CENPF: variants seen among roughly 807,000 people sequenced by gnomAD.
The protein encoded by CENPF is AH antigen.
CENPF carries 214 observed loss-of-function variants against 307.3 expected under a neutral mutation model. The observed-to-expected ratio is 0.70, with a 90% confidence interval of 0.62 to 0.78. The LOEUF (loss-of-function observed/expected upper bound fraction) is 0.78. Among genes scored for constraint, CENPF ranks in the 30% least tolerant of loss-of-function variants. The pLI, the probability that CENPF is intolerant of heterozygous loss-of-function variation, is 0.00. For synonymous variants in CENPF, 1,259 were observed against 1,270.6 expected (o/e 0.99, Z 0.19); for missense variants, 3,401 against 3,483.9 (o/e 0.98, Z 0.60).
In CENPF at chr1:214,642,814, C is replaced by T. The variant is rs775276376; in HGVS notation, c.4476C>T (p.Asp1492=). 1.2e-6 allele frequency: 2 copies of T among 1,613,728 alleles called. No individual in the cohort carries two copies. The highest frequency in any genetic ancestry group is 1.3e-5 in the African/African-American group (1 of 74,860). ...PDSSSLSSLG[D]SSFYRALLEQ... ...GCTCTAGTCTTAGCAGTTTGGGAGACTCCTCCTTTTACAGAGCTCTTTTAG... is the reference window on the plus strand; with the variant it reads ...GCTCTAGTCTTAGCAGTTTGGGAGATTCCTCCTTTTACAGAGCTCTTTTAG... Residue 1492 remains aspartate (D), a synonymous_variant, in exon 12 of 20, where the codon GAC becomes GAT. Transcript: ENST00000366955.
chr1:214,648,917 A>G, intron 14 of CENPF, 90 bp downstream of exon 14: 4 of 1,309,944 alleles, frequency 3.1e-6, no homozygotes, highest in Non-Finnish European at 4.2e-6. Flanking sequence ...TCTGTTGTTT[A>G]CCTAACTTAT....
rs765683900 is a variant in CENPF at position 214,638,014 on chromosome 1, A to G, written c.1582+13A>G. The G allele has an allele frequency of 5.0e-6, 8 of 1,600,294 alleles. No individual in the cohort carries two copies. In the Admixed American group the frequency reaches 5.3e-5, roughly 11 times the overall value. ...GAAGAAATGAAAGGTAAGTAAACTT[A>G]GTATTTTAGAGTTACCTTTCTAAGC... On this transcript the variant is annotated intron_variant, in intron 11 of 19. Transcript: ENST00000366955.
At chr1:214,616,521 T>C (rs921404349) in intron 3 of CENPF, among the ~76,000 whole-genome samples, 3 of 152,166 alleles carry the variant, frequency 2.0e-5, no homozygotes, top group African/African-American at 7.2e-5. Flanking sequence ...AAATTTAGTA[T>C]GAAAAAATGT....
At chr1:214,648,056 G>T in intron 13 of CENPF, 1 of 425,842 alleles carries the variant, frequency 2.3e-6, no homozygotes, top group East Asian at 6.7e-5. Flanking sequence ...TAGTGATCTA[G>T]GAAAGTGATT....
intron 14 of CENPF, among the ~76,000 whole-genome samples, chr1:214,651,181 C>T (rs891765764): frequency 7.9e-5 from 12 of 152,058 alleles, no homozygotes; most frequent in East Asian, 3.9e-4. Flanking sequence ...GGGTCAGGCA[C>T]GGAGAAGACA....
At chr1:214,652,154 G>T (rs558122771) in intron 15 of CENPF, among the ~76,000 whole-genome samples, 1 of 145,454 alleles carries the variant, frequency 6.9e-6, no homozygotes, top group East Asian at 2.0e-4. Flanking sequence ...TCCTACCTCA[G>T]CCTCCCGAGT....
chr1:214,608,705 C>T, intron 1 of CENPF: 1 of 1,594,736 alleles, frequency 6.3e-7, no homozygotes, highest in Non-Finnish European at 8.5e-7. Context: ...CCGGCCCCAC[C>T]AGGCCCCGGC....
chr1:214,645,663 T>A lies in CENPF; in HGVS notation c.6093T>A (p.Thr2031=). Residue 2031 remains threonine, a synonymous_variant, in exon 13 of 20, where the codon ACT becomes ACA. Coordinates refer to ENST00000366955, the MANE Select transcript of CENPF (RefSeq NM_016343.4). ...TGAGTGAGCTGTTAAAAGACAAAAC[T>A]CATCTCCAGGAAAAGCTGCAGAGTT... ...SDVSELLKDK[T]HLQEKLQSLE... is the part of the protein sequence containing the mutation. 6.2e-7 allele frequency: 1 copy of A among 1,614,066 alleles called. No homozygotes were observed. Among genetic ancestry groups the A allele is most frequent in the South Asian group, 1.1e-5 (1 of 91,082 alleles).
Position 214,632,347 on chromosome 1 carries a change from G to A in CENPF, c.1324-133G>A, listed in dbSNP as rs188198456. The A allele has an allele frequency of 6.1e-5, 55 of 902,672 alleles. No homozygotes were observed. The East Asian group carries it at 6.2e-4, about 10-fold the overall frequency. 55.9% of individuals were successfully genotyped at this position (902,672 alleles called of 1,614,324 possible). A position where few individuals can be genotyped will look rare whatever the true frequency, so the allele number is the denominator to read the frequency against. On this transcript the variant is annotated intron_variant, in intron 9 of 19. Coordinates refer to ENST00000366955, the MANE Select transcript of CENPF (RefSeq NM_016343.4). ...ATTTTAAGACATATTTAGCTGTGAC[G>A]TATACTGTATCTCAGCCAAAATAGA...
At chr1:214,612,417 G>A (rs1354701246) in intron 1 of CENPF, among the ~76,000 whole-genome samples, 1 of 152,128 alleles carries the variant, frequency 6.6e-6, no homozygotes, top group East Asian at 1.9e-4. Flanking sequence ...AAGGATATTG[G>A]CTTGAAGTTT....
Position 214,663,801 on chromosome 1 carries a change from T to G in CENPF, c.*7T>G, listed in dbSNP as rs1481372536. 1.2e-6 allele frequency: 2 copies of G among 1,611,760 alleles called. No homozygotes were observed. The highest frequency in any genetic ancestry group is 1.3e-5 in the African/African-American group (1 of 75,022). ...GAACTGTAAGGTCCAGTGAAGGCAC[T>G]TTGTGTGTCAGTACCCCTGGGAGGT... On this transcript the variant is annotated 3_prime_UTR_variant, in exon 20 of 20. Transcript: ENST00000366955.
chr1:214,612,388 G>T (rs901310580), intron 1 of CENPF, among the ~76,000 whole-genome samples: 5 of 152,144 alleles, frequency 3.3e-5, no homozygotes, highest in Non-Finnish European at 7.3e-5. Context: ...TATTTTTGAG[G>T]AATTTTGCAT....
At chr1:214,618,432 T>C in intron 3 of CENPF, 141 bp from the exon 4 acceptor site, 1 of 1,016,328 alleles carries the variant, frequency 9.8e-7, no homozygotes, top group Non-Finnish European at 1.5e-6. Flanking sequence ...ATGAAATGCC[T>C]GTTGGATAAA....
chr1:214,643,168 A>G lies in CENPF; in HGVS notation c.4830A>G (p.Gln1610=). The G allele has an allele frequency of 1.2e-6, 2 of 1,602,776 alleles. No homozygotes were observed. Among genetic ancestry groups the G allele is most frequent in the Non-Finnish European group, 1.7e-6 (2 of 1,176,364 alleles). The change falls in exon 12 of 20, where the codon CAA becomes CAG. Residue 1610 remains glutamine (Q), a synonymous_variant. Coordinates refer to ENST00000366955, the MANE Select transcript of CENPF (RefSeq NM_016343.4). Reference sequence around the variant, plus strand: ...ATTTGTCAGAAAATGAACAGTGGCAACAGAAGCTGACAAGCGTGACTCTGG... The same window carrying G: ...ATTTGTCAGAAAATGAACAGTGGCAGCAGAAGCTGACAAGCGTGACTCTGG... ...KQYLSENEQW[Q]QKLTSVTLEM...
intron 1 of CENPF, chr1:214,605,873 G>C: frequency 6.3e-7 from 1 of 1,597,298 alleles, no homozygotes; most frequent in Non-Finnish European, 8.5e-7. Context: ...GAGCACGGGC[G>C]ACGTGATCTT....
Position 214,644,970 on chromosome 1 carries a change from G to A in CENPF, c.5400G>A (p.Leu1800=). Residue 1800 remains leucine, a synonymous_variant, in exon 13 of 20, where the codon TTG becomes TTA. Transcript: ENST00000366955. ...IEDRDRKVES[L]LNEMKELDSK... ...ACCGTGACAGAAAAGTTGAAAGTTT[G>A]CTAAATGAAATGAAAGAATTAGACT... 6.2e-7 allele frequency: 1 copy of A among 1,612,584 alleles called. No homozygotes were observed. The highest frequency in any genetic ancestry group is 8.5e-7 in the Non-Finnish European group (1 of 1,179,532).
chr1:214,632,484 C>T lies in CENPF; in HGVS notation c.1328C>T (p.Thr443Ile), dbSNP rs1417446006. 1 of 1,613,118 alleles carries T rather than the reference C, an allele frequency of 6.2e-7. No homozygotes were observed. ...NVLQAELDKL[T>I]SVKQQLENNL... Reference sequence around the variant, plus strand: ...GGTCTCTTTTTCTTTTTGTAGCTCACATCAGTAAAGCAACAGCTAGAAAAC... The same window carrying T: ...GGTCTCTTTTTCTTTTTGTAGCTCATATCAGTAAAGCAACAGCTAGAAAAC... The change falls in exon 10 of 20, where the codon ACA becomes ATA. Residue 443 changes from threonine (T) to isoleucine (I), a missense_variant. By Grantham distance (89) the Thr-to-Ile change is moderately conservative. Coordinates refer to ENST00000366955, the MANE Select transcript of CENPF (RefSeq NM_016343.4).
rs764028137 is a variant in CENPF at position 214,646,790 on chromosome 1, G to A, written c.7220G>A (p.Arg2407Gln). ...AATGAATTACAAAAAGAGCAAGAGC[G>A]AATATCTGAATTAGAAATAATAAAT... is the stretch of plus-strand genomic sequence containing the variant. ...LTNELQKEQERISELEIINSS... is the reference protein window; with the variant it reads ...LTNELQKEQEQISELEIINSS... The change falls in exon 13 of 20, where the codon CGA (arginine) becomes CAA (glutamine). Residue 2407 changes from arginine to glutamine, a missense_variant. Transcript: ENST00000366955. 7 of 1,611,046 alleles carry A rather than the reference G, an allele frequency of 4.3e-6. No homozygotes were observed. The highest frequency in any genetic ancestry group is 2.2e-5 in the South Asian group (2 of 90,564).
chr1:214,641,883 AGAGT>A lies in CENPF; in HGVS notation c.3549_3552del (p.Ser1183ArgfsTer20). On this transcript the variant is annotated frameshift_variant, in exon 12 of 20. Transcript: ENST00000366955. LOFTEE classifies it high-confidence loss of function. ...ATTAGGAACTCTGTGAAAGAAAGAG[AGAGT>A]GAGAGAAATCAATGTAATTTTAAAC... 6.3e-7 allele frequency: 1 copy of A among 1,596,150 alleles called. No homozygotes were observed. The highest frequency in any genetic ancestry group is 1.8e-5 in the Admixed American group (1 of 54,832).
Sources: gnomAD v4.1 joint callset for allele counts (sites outside exome capture counted in the v4.1 genomes callset) on GRCh38, gnomAD v4.1.1 for gene constraint, MANE v1.5 for transcripts, NCBI Gene and HGNC (gene_info 2026-07-23, HGNC 2026-07-21) for gene names.